The following RAB2B variants were observed in gnomAD, a reference collection of about 807,000 sequenced individuals.
The protein encoded by RAB2B is ras-related protein Rab-2B.
Under a neutral mutation model 29.8 loss-of-function variants are expected in RAB2B, and 20 were observed. That is an observed-to-expected ratio of 0.67 (90% confidence interval 0.47 to 0.97). The LOEUF (loss-of-function observed/expected upper bound fraction) is 0.97, where lower values mean the gene tolerates loss of function less well. RAB2B is among the 50% of genes least tolerant of loss of function. The probability of loss-of-function intolerance (pLI) is 0.00; values close to 1 mark genes in which losing one functional copy is unlikely to be tolerated. For missense variants in RAB2B, 218 were observed against 272.0 expected, an observed-to-expected ratio of 0.80 and a Z score of 1.40; for synonymous variants, 93 against 91.7, an observed-to-expected ratio of 1.01 and a Z score of -0.08.
At chr14:21,466,971 A>G (rs1348975573) in intron 5 of RAB2B, among the ~76,000 whole-genome samples, 1 of 151,976 alleles carries the variant, frequency 6.6e-6, no homozygotes, top group African/African-American at 2.4e-5. Context: ...CAGTGGCACT[A>G]TCTCAGCTCA....
At chr14:21,473,748 C>A (rs935307554) in intron 3 of RAB2B, among the ~76,000 whole-genome samples, 1 of 152,138 alleles carries the variant, frequency 6.6e-6, no homozygotes, top group South Asian at 2.1e-4. Flanking sequence ...AGTGGTGGCT[C>A]ACACCTGTAA....
intron 5 of RAB2B, among the ~76,000 whole-genome samples, chr14:21,465,334 AT>A (rs1421987417): frequency 9.9e-5 from 15 of 152,198 alleles, no homozygotes; most frequent in African/African-American, 3.4e-4. Context: ...ACACATCAAA[AT>A]GGAACTTCTT....
chr14:21,463,595 T>C (rs1471729431), intron 6 of RAB2B, 61 bp downstream of exon 6: 2 of 1,177,906 alleles, frequency 1.7e-6, no homozygotes, highest in African/African-American at 1.5e-5. Context: ...GAATTCTGAA[T>C]ACAAGGACAA....
intron 3 of RAB2B, among the ~76,000 whole-genome samples, chr14:21,471,021 A>C (rs1447741560): frequency 4.5e-5 from 3 of 66,662 alleles, no homozygotes; most frequent in African/African-American, 1.4e-4. Context: ...AAAAAAAAAA[A>C]AAATAGGTGG....
At position 21,467,192 on chromosome 14, in the gene RAB2B, C is replaced by T. The variant is rs572539931; in HGVS notation, c.362+1165G>A. ...AAAGTGCTAGGATTACGGGCTTGAGCCACCACGCCTGGCATATTTTTTCTT... is the reference window on the plus strand; with the variant it reads ...AAAGTGCTAGGATTACGGGCTTGAGTCACCACGCCTGGCATATTTTTTCTT... On this transcript the variant is annotated intron_variant, in intron 5 of 7. Coordinates refer to ENST00000397762, the MANE Select transcript of RAB2B (RefSeq NM_032846.4). Among the ~76,000 whole-genome samples, 7 of 152,268 alleles carry T rather than the reference C, an allele frequency of 4.6e-5. No homozygotes were observed. The South Asian group carries it at 1.5e-3, about 32-fold the overall frequency.
intron 2 of RAB2B, among the ~76,000 whole-genome samples, chr14:21,475,175 T>G (rs776485554): frequency 1.3e-5 from 2 of 152,236 alleles, no homozygotes; most frequent in Non-Finnish European, 2.9e-5. Flanking sequence ...AAAGCAGATA[T>G]GGGAAAATAA....
At chr14:21,461,695 C>T (rs1411510805) in intron 7 of RAB2B, among the ~76,000 whole-genome samples, 1 of 152,162 alleles carries the variant, frequency 6.6e-6, no homozygotes, top group Non-Finnish European at 1.5e-5. Context: ...GTGATCCTGC[C>T]TCAGCCTCCC....
Position 21,464,103 on chromosome 14 carries a change from A to T in RAB2B, c.363-336T>A, listed in dbSNP as rs192931248. On this transcript the variant is annotated intron_variant, in intron 5 of 7. Coordinates refer to ENST00000397762, the MANE Select transcript of RAB2B (RefSeq NM_032846.4). ...GATCAAGGAGAGCAAAGTATAGATG[A>T]GGAAAAAAAAAAACTTGGCTGGGCA... is the stretch of plus-strand genomic sequence containing the variant. 2.9e-3 allele frequency among the ~76,000 whole-genome samples: 446 copies of T among 152,060 alleles called. 2 individuals carry two copies. The highest frequency in any genetic ancestry group is 1.0e-2 in the African/African-American group (413 of 41,488).
At chr14:21,473,682 G>A (rs1168551852) in intron 3 of RAB2B, among the ~76,000 whole-genome samples, 2 of 152,030 alleles carry the variant, frequency 1.3e-5, no homozygotes, top group Non-Finnish European at 1.5e-5. Context: ...GTTCAACACC[G>A]GCCTGGCCAA....
chr14:21,474,294 T>C (rs552517733), intron 3 of RAB2B, among the ~76,000 whole-genome samples: 19 of 152,326 alleles, frequency 1.2e-4, no homozygotes, highest in African/African-American at 4.6e-4. Flanking sequence ...GCTACTGACA[T>C]TCCATGACTA....
chr14:21,468,435 T>C lies in RAB2B; in HGVS notation c.284A>G (p.Asn95Ser), dbSNP rs140603938. ...VYDITRRETF[N>S]HLTSWLEDAR... ...ATCCTCTAACCATGAGGTCAGGTGGTTGAAGGTTTCACGCCTACAGCAGAA... is the reference window on the plus strand; with the variant it reads ...ATCCTCTAACCATGAGGTCAGGTGGCTGAAGGTTTCACGCCTACAGCAGAA... Residue 95 changes from asparagine (N) to serine (S), a missense_variant, in exon 5 of 8, where the codon AAC becomes AGC. By Grantham distance (46) the Asn-to-Ser change is conservative. Coordinates refer to ENST00000397762, the MANE Select transcript of RAB2B (RefSeq NM_032846.4). 3 of 1,613,888 alleles carry C rather than the reference T, an allele frequency of 1.9e-6. No individual in the cohort carries two copies. The highest frequency in any genetic ancestry group is 1.3e-5 in the African/African-American group (1 of 74,934).
Position 21,461,212 on chromosome 14 carries a change from T to G in RAB2B, c.635A>C (p.Asn212Thr), listed in dbSNP as rs17106411. 1.0e-3 allele frequency: 1,678 copies of G among 1,612,762 alleles called. 17 individuals are homozygous for G. The African/African-American group carries it at 0.02, about 19-fold the overall frequency. The change falls in exon 8 of 8, where the codon AAC (asparagine) becomes ACC (threonine). Residue 212 changes from asparagine (N) to threonine (T), a missense_variant. Physicochemically the swap from Asn to Thr is moderately conservative, Grantham distance 65. Transcript: ENST00000397762. ...GCCAGATGTTCAGCAGCAGCCAGAG[T>G]TGGACCCTATGTCACGAGAGTTCCG... ...SQRNSRDIGS[N>T]SGCC
chr14:21,476,355 T>A, intron 2 of RAB2B, 173 bp downstream of exon 2: 2 of 655,614 alleles, frequency 3.1e-6, no homozygotes, highest in Non-Finnish European at 5.4e-6. Context: ...TCCCTTACAC[T>A]ACTCCCCACA....
chr14:21,468,547 AG>A, intron 4 of RAB2B, 98 bp from the exon 5 acceptor site: 1 of 1,332,258 alleles, frequency 7.5e-7, no homozygotes, highest in Non-Finnish European at 1.1e-6. Flanking sequence ...ATACGTGTAA[AG>A]AAAAATATTA....
intron 1 of RAB2B, 91 bp from the exon 2 acceptor site, chr14:21,476,690 G>A: frequency 1.2e-6 from 2 of 1,603,280 alleles, no homozygotes; most frequent in South Asian, 1.1e-5. Context: ...GGGCTCCCGA[G>A]CCCCGCCCCC....
chr14:21,474,601 G>C, intron 3 of RAB2B: 1 of 402,128 alleles, frequency 2.5e-6, no homozygotes. Context: ...TGTATCAAAA[G>C]GGGACATTTA....
chr14:21,476,160 TGTATTGGTGTTTACTTTTTAAAA>T (rs1236949802), intron 2 of RAB2B: 1 of 184,104 alleles, frequency 5.4e-6, no homozygotes, highest in Non-Finnish European at 1.1e-5. Flanking sequence ...AAAATGTCCA[TGTATTGGTGTTTACTTTTTAAAA>T]GTAAGGCTGG....
chr14:21,461,434 T>C, intron 7 of RAB2B, 131 bp from the exon 8 acceptor site: 1 of 601,880 alleles, frequency 1.7e-6, no homozygotes, highest in Non-Finnish European at 2.8e-6. Context: ...TCATTAATTA[T>C]ATTTTCTAAA....
chr14:21,476,076 A>G (rs190265709), intron 2 of RAB2B, among the ~76,000 whole-genome samples: 22 of 152,352 alleles, frequency 1.4e-4, no homozygotes, highest in Admixed American at 1.4e-3. Flanking sequence ...ATTTAAAAGG[A>G]AAGTTTTTAG....
Sources: gnomAD v4.1 joint callset for allele counts (sites outside exome capture counted in the v4.1 genomes callset) on GRCh38, gnomAD v4.1.1 for gene constraint, MANE v1.5 for transcripts, NCBI Gene and HGNC (gene_info 2026-07-23, HGNC 2026-07-21) for gene names.